Variants in NPR3 observed in about 807,000 individuals in gnomAD.
NPR3 encodes natriuretic peptide receptor 3, also known as atrial natriuretic peptide receptor 3.
In NPR3, 34 loss-of-function variants were observed where a neutral mutation model predicts 54.5. The observed-to-expected ratio is 0.62, with a 90% CI of 0.47 to 0.83. The LOEUF (loss-of-function observed/expected upper bound fraction) is 0.83, where lower values mean the gene tolerates loss of function less well. Ranked by LOEUF, NPR3 falls within the 40% of genes least tolerant of loss-of-function variation. The pLI, the probability that NPR3 is intolerant of heterozygous loss-of-function variation, is 0.00. For synonymous variants in NPR3, 289 were observed against 297.1 expected (o/e 0.97, Z 0.28); for missense variants, 674 against 720.8 (o/e 0.94, Z 0.74).
At chr5:32,735,168 G>T (rs1365440921) in intron 2 of NPR3, among the ~76,000 whole-genome samples, 1 of 152,122 alleles carries the variant, frequency 6.6e-6, no homozygotes. Context: ...CTAGCCTGGT[G>T]GTCACTTGGG....
chr5:32,709,639 C>A (rs1192642662), upstream of NPR3: 1 of 152,066 alleles, frequency 6.6e-6, no homozygotes, highest in Non-Finnish European at 1.5e-5. Flanking sequence ...GTGAAGATTT[C>A]GGGATCACAG....
At chr5:32,731,622 T>C (rs558846392) in intron 2 of NPR3, among the ~76,000 whole-genome samples, 23 of 152,366 alleles carry the variant, frequency 1.5e-4, no homozygotes, top group African/African-American at 5.0e-4. Context: ...TTTACCATTA[T>C]ACCTAATACT....
rs752242939 is a variant in NPR3, at chr5:32,724,786, C to T, written c.858C>T (p.Phe286=). ...RHGMTSGDYA[F]FNIELFNSSS... ...GCATGACCAGTGGAGACTACGCCTT[C>T]TTCAACATTGAGCTCTTCAACAGCT... is the stretch of plus-strand genomic sequence containing the variant. Residue 286 remains phenylalanine (F), a synonymous_variant, in exon 2 of 8, where the codon TTC becomes TTT. Transcript: ENST00000265074. 2 of 1,613,964 alleles carry T rather than the reference C, an allele frequency of 1.2e-6. No individual in the cohort carries two copies. Among genetic ancestry groups the T allele is most frequent in the Admixed American group, 1.7e-5 (1 of 60,026 alleles).
At chr5:32,726,909 TATGGCTAC>T (rs1739166543) in intron 2 of NPR3, among the ~76,000 whole-genome samples, 1 of 152,230 alleles carries the variant, frequency 6.6e-6, no homozygotes, top group Admixed American at 6.5e-5. Flanking sequence ...CTATTTATGG[TATGGCTAC>T]ATGTTCTTTT....
chr5:32,762,755 C>CA (rs1362909727), intron 3 of NPR3, among the ~76,000 whole-genome samples: 1 of 152,060 alleles, frequency 6.6e-6, no homozygotes, highest in East Asian at 1.9e-4. Flanking sequence ...GGATAGATTG[C>CA]AAAATTTTTC....
intron 1 of NPR3, among the ~76,000 whole-genome samples, chr5:32,724,244 A>G (rs1011789666): frequency 2.6e-5 from 4 of 152,214 alleles, no homozygotes; most frequent in African/African-American, 9.6e-5. Context: ...CCAGAATCCA[A>G]TCCAGCATCA....
At chr5:32,702,347 G>A (rs543389757) in intron 1 of NPR3, among the ~76,000 whole-genome samples, 185 of 152,024 alleles carry the variant, frequency 1.2e-3, no homozygotes, top group Non-Finnish European at 2.3e-3. Flanking sequence ...CCATGCTGGT[G>A]TGCTGCACCC....
intron 1 of NPR3, among the ~76,000 whole-genome samples, chr5:32,712,968 C>T (rs541667179): frequency 6.6e-6 from 1 of 152,194 alleles, no homozygotes; most frequent in Non-Finnish European, 1.5e-5. Context: ...TGCGCCCCCA[C>T]TTAGTGCGGA....
In NPR3 at chr5:32,789,879, G is replaced by A. The variant is rs1742823083; in HGVS notation, c.*3534G>A. 2.3e-6 allele frequency: 1 copy of A among 429,998 alleles called. No homozygotes were observed. Among genetic ancestry groups the A allele is most frequent in the Non-Finnish European group, 4.7e-6 (1 of 212,006 alleles). The allele number at this position is 429,998 out of a possible 1,614,324, so 26.6% of individuals were successfully genotyped here. On this transcript the variant is annotated 3_prime_UTR_variant, in exon 8 of 8. Coordinates refer to ENST00000265074, the MANE Select transcript of NPR3 (RefSeq NM_001204375.2). ...GGAAATCTCTTTGGGAGATCAAATAGAGTATTATGCCACTGTGAGTGTTTA... is the reference window on the plus strand; with the variant it reads ...GGAAATCTCTTTGGGAGATCAAATAAAGTATTATGCCACTGTGAGTGTTTA...
intron 4 of NPR3, among the ~76,000 whole-genome samples, chr5:32,775,164 C>T (rs1741979033): frequency 6.6e-6 from 1 of 152,156 alleles, no homozygotes; most frequent in African/African-American, 2.4e-5. Flanking sequence ...AGTTTTAAAA[C>T]CAGTATTAAT....
At chr5:32,728,879 A>G (rs1739295383) in intron 2 of NPR3, among the ~76,000 whole-genome samples, 1 of 135,554 alleles carries the variant, frequency 7.4e-6, no homozygotes, top group Non-Finnish European at 1.6e-5. Flanking sequence ...ATATATATGT[A>G]AAATGAGACA....
At chr5:32,780,515 T>C (rs1049551259) in intron 4 of NPR3, among the ~76,000 whole-genome samples, 6 of 152,192 alleles carry the variant, frequency 3.9e-5, no homozygotes, top group Non-Finnish European at 7.3e-5. Flanking sequence ...CATTTTTAAA[T>C]GGAGAAATGT....
At chr5:32,748,651 G>A (rs973952432) in intron 3 of NPR3, among the ~76,000 whole-genome samples, 11 of 152,186 alleles carry the variant, frequency 7.2e-5, no homozygotes, top group African/African-American at 1.9e-4. Context: ...CTAGATGTCA[G>A]CTGACAGGGA....
intron 3 of NPR3, among the ~76,000 whole-genome samples, chr5:32,758,551 T>C (rs116399608): frequency 0.21 from 31,356 of 152,036 alleles, 3,349 homozygotes; most frequent in South Asian, 0.27. Context: ...GTCAAAAAAC[T>C]AGCTCCTGGA....
At chr5:32,699,480 T>C (rs62369516) in intron 1 of NPR3, among the ~76,000 whole-genome samples, 42,394 of 151,966 alleles carry the variant, frequency 0.28, 6,946 homozygotes, top group Middle Eastern at 0.45. Flanking sequence ...ACCCCCTGAC[T>C]GGCCCCAATG....
At chr5:32,747,416 A>G (rs1459804417) in intron 3 of NPR3, among the ~76,000 whole-genome samples, 2 of 152,162 alleles carry the variant, frequency 1.3e-5, no homozygotes, top group Non-Finnish European at 2.9e-5. Flanking sequence ...TATTATTATG[A>G]CCATATAAAT....
chr5:32,781,174 A>G (rs536378370), intron 5 of NPR3, among the ~76,000 whole-genome samples: 1 of 152,148 alleles, frequency 6.6e-6, no homozygotes, highest in Non-Finnish European at 1.5e-5. Context: ...TAACATTTCC[A>G]AAGATGATGT....
intron 2 of NPR3, among the ~76,000 whole-genome samples, chr5:32,725,943 TG>T: frequency 6.6e-6 from 1 of 152,292 alleles, no homozygotes; most frequent in Middle Eastern, 3.4e-3. Context: ...ATAATGAATC[TG>T]GGGAACTTTG....
chr5:32,759,171 G>C (rs188513986), intron 3 of NPR3, among the ~76,000 whole-genome samples: 3 of 152,222 alleles, frequency 2.0e-5, no homozygotes, highest in Admixed American at 2.0e-4. Context: ...TTAACTTTCT[G>C]TCTCGTTGAT....
Sources: gnomAD v4.1 joint callset for allele counts (sites outside exome capture counted in the v4.1 genomes callset) on GRCh38, gnomAD v4.1.1 for gene constraint, MANE v1.5 for transcripts, NCBI Gene and HGNC (gene_info 2026-07-23, HGNC 2026-07-21) for gene names.